PIK3C2G: variants seen among roughly 807,000 people sequenced by gnomAD.
The protein encoded by PIK3C2G is phosphatidylinositol-4-phosphate 3-kinase catalytic subunit type 2 gamma, also known as phosphatidylinositol 3-kinase C2 domain-containing subunit gamma.
PIK3C2G carries 168 observed loss-of-function variants against 181.1 expected under a neutral mutation model. The observed-to-expected ratio is 0.93, with a 90% confidence interval of 0.82 to 1.05. PIK3C2G has a LOEUF of 1.05. Among genes scored for constraint, PIK3C2G ranks in the 50% least tolerant of loss-of-function variants. The pLI is 0.00. For synonymous variants in PIK3C2G, 573 were observed against 592.2 expected (o/e 0.97, Z 0.47); for missense variants, 1,869 against 1,732.8 (o/e 1.08, Z -1.40).
chr12:18,669,351 A>C, the PIK3C2G span, among the ~76,000 whole-genome samples: 1 of 152,220 alleles, frequency 6.6e-6, no homozygotes, highest in Non-Finnish European at 1.5e-5. Context: ...GCACCACAGT[A>C]AACATTATTT....
At chr12:18,396,545 AAAAG>A (rs1943905103) in intron 15 of PIK3C2G, among the ~76,000 whole-genome samples, 2 of 151,730 alleles carry the variant, frequency 1.3e-5, no homozygotes, top group African/African-American at 4.8e-5. Flanking sequence ...GTAAAAATTA[AAAAG>A]AAAGAAATAA....
intron 20 of PIK3C2G, among the ~76,000 whole-genome samples, chr12:18,494,629 C>A (rs545636731): frequency 3.0e-4 from 46 of 152,110 alleles, no homozygotes; most frequent in Non-Finnish European, 5.1e-4. Flanking sequence ...CTTCAGCCTC[C>A]CTGAACTTGG....
At chr12:18,707,259 C>T in the PIK3C2G span, among the ~76,000 whole-genome samples, 8 of 152,268 alleles carry the variant, frequency 5.3e-5, no homozygotes, top group East Asian at 9.6e-4. Flanking sequence ...ATTTGACCTA[C>T]ACAATGATCT....
the PIK3C2G span, among the ~76,000 whole-genome samples, chr12:18,709,575 G>T: frequency 6.6e-6 from 1 of 151,612 alleles, no homozygotes; most frequent in African/African-American, 2.4e-5. Flanking sequence ...ATTTTGATAA[G>T]AATTGCATTA....
At chr12:18,255,315 T>C (rs1948135540) in intron 1 of PIK3C2G, among the ~76,000 whole-genome samples, 2 of 152,286 alleles carry the variant, frequency 1.3e-5, no homozygotes, top group African/African-American at 4.8e-5. Context: ...ATTCTGATTC[T>C]ATTTTCTATA....
chr12:18,411,146 CT>C (rs1944848952), intron 16 of PIK3C2G, among the ~76,000 whole-genome samples: 2 of 152,080 alleles, frequency 1.3e-5, no homozygotes, highest in Non-Finnish European at 2.9e-5. Flanking sequence ...AATATCTTTA[CT>C]GATCCATTTA....
chr12:18,409,779 G>T (rs1479474945), intron 16 of PIK3C2G, among the ~76,000 whole-genome samples: 1 of 152,098 alleles, frequency 6.6e-6, no homozygotes, highest in Non-Finnish European at 1.5e-5. Context: ...GCCTGAGACT[G>T]AGTAATCTAT....
intron 29 of PIK3C2G, among the ~76,000 whole-genome samples, chr12:18,573,856 A>T (rs537851248): frequency 6.6e-6 from 1 of 152,168 alleles, no homozygotes; most frequent in Non-Finnish European, 1.5e-5. Flanking sequence ...CAGCCCAAAA[A>T]GTATTAAAGG....
chr12:18,373,089 A>C (rs1363963451), intron 13 of PIK3C2G, among the ~76,000 whole-genome samples: 1 of 152,220 alleles, frequency 6.6e-6, no homozygotes, highest in Non-Finnish European at 1.5e-5. Context: ...TAAGGAAATA[A>C]AGATATTTTT....
intron 18 of PIK3C2G, among the ~76,000 whole-genome samples, chr12:18,463,690 C>T (rs1002056505): frequency 2.6e-5 from 4 of 152,168 alleles, no homozygotes; most frequent in South Asian, 4.1e-4. Flanking sequence ...TTCATGTAAT[C>T]ACACAGCATA....
intron 1 of PIK3C2G, among the ~76,000 whole-genome samples, chr12:18,265,777 G>T (rs974436500): frequency 6.6e-6 from 1 of 152,008 alleles, no homozygotes; most frequent in African/African-American, 2.4e-5. Flanking sequence ...ACTTTGGGAG[G>T]CTGAGGTGGG....
chr12:18,488,594 G>A lies in PIK3C2G; in HGVS notation c.2650G>A (p.Glu884Lys). ...TATCAAAATTCTGGGAGATATTGGG[G>A]AAAGAGTCAAGTCTGCCAGTGACCA... The part of the protein sequence containing the change: ...KLIKILGDIG[E>K]RVKSASDHQR... Residue 884 changes from glutamate to lysine, a missense_variant, in exon 19 of 33, where the codon GAA becomes AAA. Transcript: ENST00000538779. 2 of 1,565,328 alleles carry A rather than the reference G, an allele frequency of 1.3e-6. No homozygotes were observed. Among genetic ancestry groups the A allele is most frequent in the South Asian group, 1.2e-5 (1 of 82,478 alleles).
At chr12:18,379,975 A>T (rs570120017) in intron 13 of PIK3C2G, among the ~76,000 whole-genome samples, 1 of 152,310 alleles carries the variant, frequency 6.6e-6, no homozygotes, top group Non-Finnish European at 1.5e-5. Flanking sequence ...TAAACTCACG[A>T]GTTCCTCCTG....
chr12:18,484,906 G>A (rs576318708), intron 18 of PIK3C2G, among the ~76,000 whole-genome samples: 2 of 152,106 alleles, frequency 1.3e-5, no homozygotes, highest in Non-Finnish European at 2.9e-5. Flanking sequence ...GAATCCACCT[G>A]TGCTCACTAA....
intron 29 of PIK3C2G, among the ~76,000 whole-genome samples, chr12:18,576,729 C>G (rs1946249010): frequency 6.6e-6 from 1 of 152,130 alleles, no homozygotes; most frequent in African/African-American, 2.4e-5. Flanking sequence ...ATCAAGGAAA[C>G]TTAATTCATC....
At chr12:18,508,269 T>A (rs1941975993) in intron 24 of PIK3C2G, among the ~76,000 whole-genome samples, 1 of 152,332 alleles carries the variant, frequency 6.6e-6, no homozygotes, top group Admixed American at 6.5e-5. Flanking sequence ...TTCTCAATGC[T>A]GATACATTTG....
At chr12:18,384,046 TC>T (rs1331008794) in intron 14 of PIK3C2G, among the ~76,000 whole-genome samples, 1 of 151,214 alleles carries the variant, frequency 6.6e-6, no homozygotes, top group Non-Finnish European at 1.5e-5. Context: ...GGTCTTGAAC[TC>T]CTGACCTCAA....
At chr12:18,475,287 C>A (rs1938863316) in intron 18 of PIK3C2G, among the ~76,000 whole-genome samples, 1 of 150,882 alleles carries the variant, frequency 6.6e-6, no homozygotes, top group Admixed American at 6.6e-5. Flanking sequence ...AAACTTCTTA[C>A]AACAGGCTTT....
chr12:18,320,845 T>C lies in PIK3C2G; in HGVS notation c.1138-117T>C, dbSNP rs574794602. 2.2e-5 allele frequency: 14 copies of C among 645,014 alleles called. No homozygotes were observed. In the African/African-American group the frequency reaches 2.6e-4, roughly 12 times the overall value. The allele number at this position is 645,014 out of a possible 1,614,324, so 40.0% of individuals were successfully genotyped here. On this transcript the variant is annotated intron_variant, in intron 6 of 32. Transcript: ENST00000538779. ...TCTTTCAGACAGAATATAAAAGCGATGAATGAGGTTTATCAAAATAGGTGA... is the reference window on the plus strand; with the variant it reads ...TCTTTCAGACAGAATATAAAAGCGACGAATGAGGTTTATCAAAATAGGTGA...
Sources: gnomAD v4.1 joint callset for allele counts (sites outside exome capture counted in the v4.1 genomes callset) on GRCh38, gnomAD v4.1.1 for gene constraint, MANE v1.5 for transcripts, NCBI Gene and HGNC (gene_info 2026-07-23, HGNC 2026-07-21) for gene names.